Variants in LOC128706665 observed in about 807,000 individuals in gnomAD.
the LOC128706665 span, among the ~76,000 whole-genome samples, chr20:10,433,386 T>G: frequency 6.6e-5 from 10 of 152,200 alleles, no homozygotes; most frequent in Non-Finnish European, 8.8e-5. Context: ...TTCTCCCCCA[T>G]CACTAGAACA....
chr20:10,421,349 G>C, the LOC128706665 span, among the ~76,000 whole-genome samples: 2,626 of 151,190 alleles, frequency 0.017, 83 homozygotes, highest in African/African-American at 0.059. Context: ...GCTTGAACTT[G>C]GGAGGTGGAG....
the LOC128706665 span, among the ~76,000 whole-genome samples, chr20:10,415,785 A>G: frequency 6.6e-6 from 1 of 152,216 alleles, no homozygotes; most frequent in Non-Finnish European, 1.5e-5. Flanking sequence ...CTTTTCAAAA[A>G]CAGAATGCCA....
the LOC128706665 span, among the ~76,000 whole-genome samples, chr20:10,427,063 C>CACACACACACACACACACAA: frequency 6.9e-6 from 1 of 145,394 alleles, no homozygotes; most frequent in African/African-American, 2.5e-5. Flanking sequence ...CACACACACA[C>CACACACACACACACACACAA]ACACACACAC....
At chr20:10,414,182 A>G in the LOC128706665 span, among the ~76,000 whole-genome samples, 1 of 152,132 alleles carries the variant, frequency 6.6e-6, no homozygotes, top group African/African-American at 2.4e-5. Flanking sequence ...ATGGCTAGAA[A>G]GCTTACAGCA....
chr20:10,419,473 AAC>A, the LOC128706665 span, among the ~76,000 whole-genome samples: 12 of 152,236 alleles, frequency 7.9e-5, no homozygotes, highest in Non-Finnish European at 1.5e-4. Flanking sequence ...GTGGAATAAA[AAC>A]AGTGACCTCC....
the LOC128706665 span, chr20:10,414,074 G>A: frequency 5.4e-6 from 2 of 369,134 alleles, no homozygotes; most frequent in Non-Finnish European, 9.5e-6. Flanking sequence ...AAATGAGAAA[G>A]GTAGACCAAC....
chr20:10,431,508 C>G, the LOC128706665 span, among the ~76,000 whole-genome samples: 1 of 150,132 alleles, frequency 6.7e-6, no homozygotes, highest in South Asian at 2.1e-4. Flanking sequence ...AAACATAACT[C>G]AATGCTGTAT....
the LOC128706665 span, among the ~76,000 whole-genome samples, chr20:10,417,137 G>C: frequency 6.6e-6 from 1 of 151,652 alleles, no homozygotes; most frequent in African/African-American, 2.4e-5. Flanking sequence ...TGTAATCCCA[G>C]TTACTCGGGA....
At chr20:10,418,394 C>T in the LOC128706665 span, among the ~76,000 whole-genome samples, 26 of 152,202 alleles carry the variant, frequency 1.7e-4, no homozygotes, top group Admixed American at 5.9e-4. Flanking sequence ...TATCTTGAGG[C>T]ATGTATGTAA....
chr20:10,431,590 A>C, the LOC128706665 span: 1 of 152,204 alleles, frequency 6.6e-6, no homozygotes, highest in East Asian at 1.9e-4. Context: ...AAAACTGCAT[A>C]AAGTCTTTAC....
chr20:10,415,881 C>CTGAAAGTG, the LOC128706665 span, among the ~76,000 whole-genome samples: 1 of 152,118 alleles, frequency 6.6e-6, no homozygotes, highest in Non-Finnish European at 1.5e-5. Context: ...AAAGAAATCA[C>CTGAAAGTG]TGAAAGTGGT....
the LOC128706665 span, among the ~76,000 whole-genome samples, chr20:10,417,739 T>A: frequency 3.0e-4 from 45 of 152,128 alleles, no homozygotes; most frequent in African/African-American, 1.0e-3. Context: ...CATGATTACC[T>A]AGGATCTATT....
At chr20:10,417,581 G>A in the LOC128706665 span, among the ~76,000 whole-genome samples, 1 of 151,916 alleles carries the variant, frequency 6.6e-6, no homozygotes, top group Admixed American at 6.6e-5. Context: ...CTGCACTGTA[G>A]CCTGGGTGAC....
At chr20:10,422,213 A>C in the LOC128706665 span, among the ~76,000 whole-genome samples, 1 of 152,176 alleles carries the variant, frequency 6.6e-6, no homozygotes, top group African/African-American at 2.4e-5. Context: ...ATATTTTATA[A>C]GGACTTTGTG....
At chr20:10,432,702 G>A in the LOC128706665 span, among the ~76,000 whole-genome samples, 1 of 146,858 alleles carries the variant, frequency 6.8e-6, no homozygotes, top group Non-Finnish European at 1.5e-5. Flanking sequence ...GGCTAAGGCA[G>A]GGAGAATTGC....
chr20:10,432,652 G>C, the LOC128706665 span, among the ~76,000 whole-genome samples: 1 of 152,102 alleles, frequency 6.6e-6, no homozygotes, highest in Non-Finnish European at 1.5e-5. Flanking sequence ...AAATTAGCCA[G>C]GTGCAGTGGC....
At chr20:10,417,909 T>C in the LOC128706665 span, among the ~76,000 whole-genome samples, 1 of 152,120 alleles carries the variant, frequency 6.6e-6, no homozygotes, top group Admixed American at 6.5e-5. Flanking sequence ...ACTGAGAATG[T>C]GGGAAATTTT....
chr20:10,429,085 TTCCCAGTACTACACAATC>T, the LOC128706665 span, among the ~76,000 whole-genome samples: 1 of 152,192 alleles, frequency 6.6e-6, no homozygotes, highest in Admixed American at 6.5e-5. Context: ...ACCATCTTCC[TTCCCAGTACTACACAATC>T]TCTTTCCTTT....
the LOC128706665 span, among the ~76,000 whole-genome samples, chr20:10,428,665 C>T: frequency 2.0e-5 from 3 of 152,062 alleles, no homozygotes; most frequent in Non-Finnish European, 4.4e-5. Flanking sequence ...ATGGTGAAAC[C>T]CCATTTCTAC....
Sources: gnomAD v4.1 joint callset for allele counts (sites outside exome capture counted in the v4.1 genomes callset) on GRCh38, gnomAD v4.1.1 for gene constraint, MANE v1.5 for transcripts.